The following HTR4 variants were observed in gnomAD, a reference collection of about 807,000 sequenced individuals.
HTR4 encodes the protein 5-hydroxytryptamine receptor 4, also known as 5-hydroxytryptamine (serotonin) receptor 4, G protein-coupled.
HTR4 carries 16 observed loss-of-function variants against 36.8 expected under a neutral mutation model. The ratio of observed to expected loss-of-function variants is 0.43; its 90% CI spans 0.29 to 0.66. The LOEUF is 0.66. Among genes scored for constraint, HTR4 ranks in the 30% least tolerant of loss-of-function variants. The pLI, the probability that HTR4 is intolerant of heterozygous loss-of-function variation, is 0.13. For missense variants in HTR4, 438 were observed against 490.9 expected (o/e 0.89, Z 1.02); for synonymous variants, 189 against 185.1 (o/e 1.02, Z -0.17).
At chr5:148,538,580 G>A (rs568126766) in intron 4 of HTR4, among the ~76,000 whole-genome samples, 44 of 151,884 alleles carry the variant, frequency 2.9e-4, no homozygotes, top group African/African-American at 9.7e-4. Flanking sequence ...ATATACCTAC[G>A]ACAGCCAAGC....
At chr5:148,626,120 C>G (rs1753094128) in intron 2 of HTR4, among the ~76,000 whole-genome samples, 2 of 152,144 alleles carry the variant, frequency 1.3e-5, no homozygotes, top group South Asian at 4.1e-4. Flanking sequence ...CTGGGTGATT[C>G]TAGGCCATCA....
chr5:148,616,354 T>C (rs556530230), intron 2 of HTR4, among the ~76,000 whole-genome samples: 1 of 152,354 alleles, frequency 6.6e-6, no homozygotes, highest in Non-Finnish European at 1.5e-5. Context: ...GGCCTGTTTC[T>C]ATTTCTCTAG....
At chr5:148,468,632 T>C (rs10036018) in intron 5 of HTR4, among the ~76,000 whole-genome samples, 6,334 of 152,228 alleles carry the variant, frequency 0.042, 447 homozygotes, top group African/African-American at 0.14. Flanking sequence ...GAAGCAGATG[T>C]CATTTGCTTA....
exon 6 of HTR4, chr5:148,451,044 T>G: frequency 7.0e-7 from 1 of 1,428,712 alleles, no homozygotes; most frequent in Non-Finnish European, 9.5e-7. Flanking sequence ...AACACTGTCC[T>G]CCATGTACCT....
At chr5:148,650,026 G>GGT (rs1554103362) in intron 1 of HTR4, among the ~76,000 whole-genome samples, 2 of 147,570 alleles carry the variant, frequency 1.4e-5, no homozygotes, top group African/African-American at 5.2e-5. Context: ...AGCAATTTGT[G>GGT]TTTTTTTTTT....
chr5:148,587,894 A>G (rs1761407566), intron 2 of HTR4, among the ~76,000 whole-genome samples: 1 of 152,202 alleles, frequency 6.6e-6, no homozygotes. Flanking sequence ...ATCTTTCAGC[A>G]GATATCACAG....
chr5:148,562,073 C>T (rs987091174), intron 2 of HTR4, among the ~76,000 whole-genome samples: 1 of 152,176 alleles, frequency 6.6e-6, no homozygotes, highest in Non-Finnish European at 1.5e-5. Flanking sequence ...TATGCTGTTG[C>T]AGGAGTAGTC....
At chr5:148,564,133 G>C (rs1760333705) in intron 2 of HTR4, among the ~76,000 whole-genome samples, 1 of 152,146 alleles carries the variant, frequency 6.6e-6, no homozygotes, top group Admixed American at 6.5e-5. Flanking sequence ...GGTTTAAACT[G>C]GTCCCTACTT....
chr5:148,535,386 C>G (rs959480002), intron 4 of HTR4, among the ~76,000 whole-genome samples: 1 of 152,116 alleles, frequency 6.6e-6, no homozygotes, highest in Non-Finnish European at 1.5e-5. Flanking sequence ...CCAGGCTGAG[C>G]TGGCTGAAAT....
At chr5:148,565,837 T>C (rs1760413202) in intron 2 of HTR4, among the ~76,000 whole-genome samples, 1 of 152,144 alleles carries the variant, frequency 6.6e-6, no homozygotes. Flanking sequence ...TGGTTACTAG[T>C]CATCTCTAGA....
chr5:148,636,690 T>C (rs1753552805), intron 2 of HTR4, among the ~76,000 whole-genome samples: 2 of 152,220 alleles, frequency 1.3e-5, no homozygotes, highest in Non-Finnish European at 2.9e-5. Context: ...TTTTTACCCC[T>C]ACTTAAATAC....
chr5:148,467,946 A>C (rs912357642), intron 5 of HTR4, among the ~76,000 whole-genome samples: 14 of 152,086 alleles, frequency 9.2e-5, no homozygotes, highest in African/African-American at 3.4e-4. Flanking sequence ...TTTCCCCCAA[A>C]CCCCACTTCC....
At position 148,482,595 on chromosome 5, in the gene HTR4, G is replaced by A. The variant is rs1755941245; in HGVS notation, c.*608C>T. The stretch of plus-strand genomic sequence containing the variant: ...TAAGGAAGAGCAAGTGGACGTCTGG[G>A]ACTGACAAGGGGGCCAACCAAGAGG... On this transcript the variant is annotated 3_prime_UTR_variant, in exon 7 of 7. Coordinates refer to ENST00000377888, the MANE Select transcript of HTR4 (RefSeq NM_000870.7). 2.0e-6 allele frequency: 2 copies of A among 987,166 alleles called. No individual in the cohort carries two copies. Among genetic ancestry groups the A allele is most frequent in the African/African-American group, 3.5e-5 (2 of 57,252 alleles). 61.2% of individuals were successfully genotyped at this position (987,166 alleles called of 1,614,324 possible).
intron 1 of HTR4, among the ~76,000 whole-genome samples, chr5:148,649,616 C>A (rs1581586650): frequency 6.6e-6 from 1 of 152,080 alleles, no homozygotes; most frequent in Admixed American, 6.6e-5. Flanking sequence ...TAGGTGGAGA[C>A]AAGGAACATG....
At chr5:148,652,444 A>G (rs1375621602) in intron 1 of HTR4, among the ~76,000 whole-genome samples, 1 of 152,164 alleles carries the variant, frequency 6.6e-6, no homozygotes, top group African/African-American at 2.4e-5. Flanking sequence ...GCTGTCCTTT[A>G]GTCTGTGAAG....
At chr5:148,537,349 C>A (rs1002635423) in intron 4 of HTR4, among the ~76,000 whole-genome samples, 1 of 151,956 alleles carries the variant, frequency 6.6e-6, no homozygotes, top group Admixed American at 6.6e-5. Flanking sequence ...AGAAAAAAAT[C>A]AACCCCAAAA....
At chr5:148,561,491 G>A (rs1317863441) in intron 2 of HTR4, among the ~76,000 whole-genome samples, 1 of 152,166 alleles carries the variant, frequency 6.6e-6, no homozygotes, top group East Asian at 1.9e-4. Context: ...CCTCAGAGGT[G>A]GTCTCTCTTT....
At chr5:148,520,548 C>A (rs1757962090) in intron 5 of HTR4, among the ~76,000 whole-genome samples, 1 of 152,146 alleles carries the variant, frequency 6.6e-6, no homozygotes, top group African/African-American at 2.4e-5. Flanking sequence ...CAGATACAGT[C>A]CCCACTACTT....
At chr5:148,497,333 T>C (rs904133110) in intron 6 of HTR4, among the ~76,000 whole-genome samples, 3 of 152,234 alleles carry the variant, frequency 2.0e-5, no homozygotes, top group Non-Finnish European at 1.5e-5. Context: ...GAGTGTTATC[T>C]CATATCGTCC....
Sources: gnomAD v4.1 joint callset for allele counts (sites outside exome capture counted in the v4.1 genomes callset) on GRCh38, gnomAD v4.1.1 for gene constraint, MANE v1.5 for transcripts, NCBI Gene and HGNC (gene_info 2026-07-23, HGNC 2026-07-21) for gene names.